The following ADAMTSL1 variants were observed in gnomAD, a reference collection of about 807,000 sequenced individuals.
ADAMTSL1 encodes ADAMTS-like protein 1.
In ADAMTSL1, 126 loss-of-function variants were observed where a neutral mutation model predicts 201.8. That is an observed-to-expected ratio of 0.62 (90% CI 0.54 to 0.72). The LOEUF is 0.72. Ranked by LOEUF, ADAMTSL1 falls within the 30% of genes least tolerant of loss-of-function variation. The pLI, the probability that ADAMTSL1 is intolerant of heterozygous loss-of-function variation, is 0.00. For missense variants in ADAMTSL1, 2,679 were observed against 2,277.8 expected (o/e 1.18, Z -3.59); for synonymous variants, 1,121 against 903.4 (o/e 1.24, Z -4.32).
intron 2 of ADAMTSL1, among the ~76,000 whole-genome samples, chr9:18,223,487 T>C (rs748823431): frequency 1.3e-5 from 2 of 152,110 alleles, no homozygotes; most frequent in African/African-American, 2.4e-5. Context: ...TGGTTTAATA[T>C]GCATTTATCT....
chr9:18,820,261 C>T (rs901094386), intron 21 of ADAMTSL1, among the ~76,000 whole-genome samples: 1 of 152,122 alleles, frequency 6.6e-6, no homozygotes, highest in Non-Finnish European at 1.5e-5. Context: ...CAAGGAGCCA[C>T]AGATAAACAA....
chr9:18,558,949 C>T (rs1238057643), intron 3 of ADAMTSL1, among the ~76,000 whole-genome samples: 1 of 152,110 alleles, frequency 6.6e-6, no homozygotes, highest in Non-Finnish European at 1.5e-5. Context: ...TTCTCCCATT[C>T]TGTAGGTTGC....
intron 2 of ADAMTSL1, among the ~76,000 whole-genome samples, chr9:18,325,848 C>T (rs1290992688): frequency 1.3e-5 from 2 of 151,956 alleles, no homozygotes; most frequent in African/African-American, 4.8e-5. Flanking sequence ...TCAAGCGATT[C>T]TCCTGCCTCC....
At chr9:18,782,409 C>G (rs949695069) in intron 19 of ADAMTSL1, among the ~76,000 whole-genome samples, 6 of 152,148 alleles carry the variant, frequency 3.9e-5, no homozygotes. Flanking sequence ...ACTTCCTTGT[C>G]CCTGTATCTA....
chr9:18,186,895 T>C (rs536076895), intron 2 of ADAMTSL1, among the ~76,000 whole-genome samples: 9 of 151,822 alleles, frequency 5.9e-5, no homozygotes, highest in African/African-American at 1.9e-4. Context: ...ACATATATAT[T>C]ATTGACGATA....
chr9:18,639,245 A>T lies in ADAMTSL1; in HGVS notation c.677-9A>T, dbSNP rs960620083. On this transcript the variant is annotated splice_polypyrimidine_tract_variant and intron_variant, in intron 6 of 28. Transcript: ENST00000380548. ...TCTTTCTCTCATCTTCACGTGTTTG[A>T]TCATATAGATCTGGAAACCAAAACC... The T allele has an allele frequency of 2.5e-6, 4 of 1,612,222 alleles. No homozygotes were observed. The highest frequency in any genetic ancestry group is 2.2e-5 in the South Asian group (2 of 90,986).
At chr9:18,833,769 T>C (rs1588192370) in intron 23 of ADAMTSL1, among the ~76,000 whole-genome samples, 1 of 152,208 alleles carries the variant, frequency 6.6e-6, no homozygotes, top group East Asian at 1.9e-4. Context: ...TGCCCATGCC[T>C]ATGTTCTGAA....
At chr9:18,680,254 C>A in intron 10 of ADAMTSL1, 58 bp from the exon 11 acceptor site, 1 of 1,539,868 alleles carries the variant, frequency 6.5e-7, no homozygotes. Context: ...GTGGACCAGT[C>A]ACTGAGGAGG....
intron 1 of ADAMTSL1, among the ~76,000 whole-genome samples, chr9:17,929,379 C>G (rs55790445): frequency 6.6e-6 from 1 of 151,930 alleles, no homozygotes; most frequent in Non-Finnish European, 1.5e-5. Flanking sequence ...TCTTTCGTAT[C>G]CCTAAGAACC....
chr9:18,499,246 G>T (rs1367816234), intron 1 of ADAMTSL1, among the ~76,000 whole-genome samples: 2 of 152,162 alleles, frequency 1.3e-5, no homozygotes, highest in African/African-American at 4.8e-5. Context: ...ATCTGGGAAG[G>T]CGCATGCCTC....
At chr9:18,264,572 A>T (rs1832047204) in intron 2 of ADAMTSL1, among the ~76,000 whole-genome samples, 2 of 152,184 alleles carry the variant, frequency 1.3e-5, no homozygotes, top group African/African-American at 4.8e-5. Flanking sequence ...GACCCCAAGG[A>T]AGCTGAATGA....
At chr9:18,594,658 T>G (rs1298340126) in intron 4 of ADAMTSL1, among the ~76,000 whole-genome samples, 1 of 152,224 alleles carries the variant, frequency 6.6e-6, no homozygotes, top group Non-Finnish European at 1.5e-5. Context: ...AAGGTTGATT[T>G]TTAAAAATTA....
intron 1 of ADAMTSL1, among the ~76,000 whole-genome samples, chr9:17,930,489 C>T (rs1162090973): frequency 1.3e-5 from 2 of 152,078 alleles, no homozygotes; most frequent in Non-Finnish European, 2.9e-5. Context: ...GTCATACCTC[C>T]CAGCAAGGGA....
At chr9:18,843,783 T>G (rs1332888364) in intron 23 of ADAMTSL1, among the ~76,000 whole-genome samples, 1 of 151,086 alleles carries the variant, frequency 6.6e-6, no homozygotes, top group Non-Finnish European at 1.5e-5. Flanking sequence ...ATTTCATTCA[T>G]TTGATCTTCA....
intron 1 of ADAMTSL1, among the ~76,000 whole-genome samples, chr9:17,938,379 T>C (rs1202529180): frequency 6.6e-6 from 1 of 152,138 alleles, no homozygotes; most frequent in African/African-American, 2.4e-5. Context: ...TCAGTCTTTG[T>C]GTGTGAAAGT....
At chr9:18,200,269 A>T (rs1692924265) in intron 2 of ADAMTSL1, among the ~76,000 whole-genome samples, 1 of 151,906 alleles carries the variant, frequency 6.6e-6, no homozygotes, top group African/African-American at 2.4e-5. Context: ...CACTATCTCT[A>T]TTAAAAAAAA....
chr9:18,657,591 A>C (rs372263270), intron 7 of ADAMTSL1, 48 bp from the exon 8 acceptor site: 13 of 1,441,718 alleles, frequency 9.0e-6, no homozygotes, highest in African/African-American at 1.4e-5. Context: ...AGGGACCAGA[A>C]AGCACCGCAC....
At chr9:18,598,301 C>G (rs951193917) in intron 4 of ADAMTSL1, among the ~76,000 whole-genome samples, 1 of 152,274 alleles carries the variant, frequency 6.6e-6, no homozygotes, top group South Asian at 2.1e-4. Flanking sequence ...TACCCGAAGT[C>G]TCTCAACTAG....
At chr9:18,185,310 C>G (rs1472225207) in intron 2 of ADAMTSL1, among the ~76,000 whole-genome samples, 4 of 152,130 alleles carry the variant, frequency 2.6e-5, no homozygotes, top group East Asian at 3.9e-4. Context: ...AAGAAGCCAG[C>G]TACCATGAGT....
Sources: allele counts gnomAD v4.1 joint callset (sites outside exome capture counted in the v4.1 genomes callset), GRCh38; gene constraint gnomAD v4.1.1; transcripts MANE v1.5; gene names NCBI Gene and HGNC (gene_info 2026-07-23, HGNC 2026-07-21).